MPP2: variants seen among roughly 807,000 people sequenced by gnomAD.
MPP2 encodes the protein MAGUK p55 subfamily member 2.
A neutral mutation model predicts 58.5 loss-of-function variants in MPP2; 42 were observed. The observed-to-expected ratio is 0.72, with a 90% CI of 0.56 to 0.93. The LOEUF (loss-of-function observed/expected upper bound fraction) is 0.93. MPP2 is among the 40% of genes least tolerant of loss of function. MPP2 has a pLI of 0.00. For synonymous variants in MPP2, 300 were observed against 307.8 expected, an observed-to-expected ratio of 0.97 and a Z score of 0.26; for missense variants, 632 against 760.4, an observed-to-expected ratio of 0.83 and a Z score of 1.99.
chr17:43,891,241 C>A (rs1282426932), intron 3 of MPP2, among the ~76,000 whole-genome samples: 1 of 152,132 alleles, frequency 6.6e-6, no homozygotes, highest in African/African-American at 2.4e-5. Context: ...TCACTTCTGG[C>A]CGGGGTGGCT....
chr17:43,885,343 G>A (rs529763720), intron 3 of MPP2, among the ~76,000 whole-genome samples: 1 of 152,202 alleles, frequency 6.6e-6, no homozygotes, highest in South Asian at 2.1e-4. Context: ...CAGTCCTTGA[G>A]CATCTTCTTC....
rs1009105301 is a variant in MPP2 at position 43,880,243 on chromosome 17, G to A, written c.1151-259C>T. On this transcript the variant is annotated intron_variant, in intron 10 of 12. Transcript: ENST00000269095. The surrounding 1 kb of genome is among the most constrained non-coding windows in gnomAD (Gnocchi z 5.2). ...TGAGGTCCAGAAAGGGCAATGTACA[G>A]CCCAAAGCCACACAGCAAGAGCCAA... 2.6e-5 allele frequency among the ~76,000 whole-genome samples: 4 copies of A among 152,076 alleles called. No homozygotes were observed. Among genetic ancestry groups the A allele is most frequent in the Admixed American group, 6.6e-5 (1 of 15,266 alleles).
rs534927058 is a variant in MPP2 at position 43,902,250 on chromosome 17, G to A, written c.31+2180C>T. Among the ~76,000 whole-genome samples, 15 of 152,172 alleles carry A rather than the reference G, an allele frequency of 9.9e-5. No homozygotes were observed. The East Asian group carries it at 1.9e-3, about 20-fold the overall frequency. ...GTCCTTTGAGGAAGCAGAACCCACC[G>A]CCACACCCCAAGGCTCCACTCCCTG... On this transcript the variant is annotated intron_variant, in intron 2 of 12. Transcript: ENST00000269095.
chr17:43,881,693 G>C (rs1325945078), intron 6 of MPP2, 104 bp from the exon 7 acceptor site: 1 of 1,430,706 alleles, frequency 7.0e-7, no homozygotes, highest in Non-Finnish European at 9.4e-7. Flanking sequence ...AGGGGCAATG[G>C]AACTGTCCCC....
Position 43,877,989 on chromosome 17 carries a change from C to A in MPP2, c.1483-6G>T. The stretch of plus-strand genomic sequence containing the variant: ...GTCCGTCTCAGGTCCGCCTCCTGCC[C>A]AGGCACAAGGGGACCTCCCTACAGT... On this transcript the variant is annotated splice_region_variant and splice_polypyrimidine_tract_variant and intron_variant, in intron 12 of 12. Coordinates refer to ENST00000269095, the MANE Select transcript of MPP2 (RefSeq NM_005374.5). 6.2e-7 allele frequency: 1 copy of A among 1,610,454 alleles called. No individual in the cohort carries two copies. Among genetic ancestry groups the A allele is most frequent in the Admixed American group, 1.7e-5 (1 of 59,930 alleles).
chr17:43,887,122 G>A (rs1187101240), intron 3 of MPP2, among the ~76,000 whole-genome samples: 37 of 152,028 alleles, frequency 2.4e-4, no homozygotes, highest in Admixed American at 2.4e-3. Context: ...GGAGGTCAAG[G>A]AGGAAGGACT....
At chr17:43,886,033 G>A (rs952751602) in intron 3 of MPP2, among the ~76,000 whole-genome samples, 3 of 151,760 alleles carry the variant, frequency 2.0e-5, no homozygotes, top group African/African-American at 4.8e-5. Context: ...ACTTGGACCC[G>A]GGAGGCAGAG....
At position 43,877,989 on chromosome 17, in the gene MPP2, C is replaced by T; in HGVS notation, c.1483-6G>A. The T allele has an allele frequency of 6.2e-7, 1 of 1,610,456 alleles. No homozygotes were observed. On this transcript the variant is annotated splice_region_variant and splice_polypyrimidine_tract_variant and intron_variant, in intron 12 of 12. Coordinates refer to ENST00000269095, the MANE Select transcript of MPP2 (RefSeq NM_005374.5). ...GTCCGTCTCAGGTCCGCCTCCTGCC[C>T]AGGCACAAGGGGACCTCCCTACAGT... is the stretch of plus-strand genomic sequence containing the variant.
chr17:43,893,199 C>T (rs1241613136), intron 3 of MPP2, among the ~76,000 whole-genome samples: 1 of 152,162 alleles, frequency 6.6e-6, no homozygotes, highest in African/African-American at 2.4e-5. Flanking sequence ...TCTGCCATCA[C>T]AAAGCAGAGT....
intron 3 of MPP2, among the ~76,000 whole-genome samples, chr17:43,886,766 G>C (rs1348386076): frequency 6.6e-6 from 1 of 152,142 alleles, no homozygotes; most frequent in African/African-American, 2.4e-5. Context: ...CAATCACATG[G>C]AGGAGAAATG....
At chr17:43,895,715 T>C (rs1484902700) in intron 3 of MPP2, among the ~76,000 whole-genome samples, 1 of 152,156 alleles carries the variant, frequency 6.6e-6, no homozygotes, top group African/African-American at 2.4e-5. Context: ...TTACATGAAC[T>C]GCACTTGAGC....
chr17:43,878,101 C>A, intron 12 of MPP2, 118 bp from the exon 13 acceptor site: 1 of 1,164,990 alleles, frequency 8.6e-7, no homozygotes, highest in Admixed American at 2.7e-5. Flanking sequence ...GTGTGGACTC[C>A]CTGGCTAGGG....
intron 1 of MPP2, 141 bp downstream of exon 1, chr17:43,907,333 T>C (rs1287922409): frequency 3.1e-6 from 3 of 979,496 alleles, no homozygotes; most frequent in Non-Finnish European, 3.6e-6. Context: ...CGGGGGCGGG[T>C]GGACAGGGAG....
At chr17:43,885,630 A>G (rs2047333458) in intron 3 of MPP2, among the ~76,000 whole-genome samples, 1 of 152,154 alleles carries the variant, frequency 6.6e-6, no homozygotes, top group Admixed American at 6.5e-5. Context: ...ACATCAGTAT[A>G]TTTACTTATT....
chr17:43,900,544 GCCTGCCATGGCGGCCCCCAGACCC>G (rs1448525655), intron 2 of MPP2: 3 of 1,546,148 alleles, frequency 1.9e-6, no homozygotes, highest in Admixed American at 3.9e-5. Flanking sequence ...TGCCTGGGCT[GCCTGCCATGGCGGCCCCCAGACCC>G]GGGGACTCCC....
chr17:43,903,094 T>C (rs539092172), intron 2 of MPP2, among the ~76,000 whole-genome samples: 1 of 152,126 alleles, frequency 6.6e-6, no homozygotes, highest in African/African-American at 2.4e-5. Flanking sequence ...CTGGCCAACA[T>C]GGTGAAACCC....
chr17:43,889,360 C>CTTTT (rs397748293), intron 3 of MPP2, among the ~76,000 whole-genome samples: 4 of 135,160 alleles, frequency 3.0e-5, no homozygotes, highest in Admixed American at 7.5e-5. Context: ...AAATCACCAT[C>CTTTT]TTTTTTTTTT....
chr17:43,898,230 G>A, intron 3 of MPP2, 32 bp downstream of exon 3: 3 of 1,541,902 alleles, frequency 1.9e-6, no homozygotes, highest in Non-Finnish European at 2.7e-6. Flanking sequence ...CAAGCACAGT[G>A]CCCTTGTGCC....
Position 43,876,973 on chromosome 17 carries a change from T to C in MPP2, c.*834A>G, listed in dbSNP as rs533240359. 6.6e-6 allele frequency: 1 copy of C among 152,588 alleles called. No individual in the cohort carries two copies. The highest frequency in any genetic ancestry group is 2.1e-4 in the South Asian group (1 of 4,830). The allele number at this position is 152,588 out of a possible 1,614,324, so 9.5% of individuals were successfully genotyped here. The stretch of plus-strand genomic sequence containing the variant: ...GTGCCTGCTGTGGGCCATGGAGAGC[T>C]TGGGGCTCTTCAGTTGGTAACAGCA... On this transcript the variant is annotated 3_prime_UTR_variant, in exon 13 of 13. Transcript: ENST00000269095.
Sources: gnomAD v4.1 joint callset for allele counts (sites outside exome capture counted in the v4.1 genomes callset) on GRCh38, gnomAD v4.1.1 for gene constraint, Gnocchi (gnomAD v3.1) non-coding constraint, MANE v1.5 for transcripts, NCBI Gene and HGNC (gene_info 2026-07-23, HGNC 2026-07-21) for gene names.